THADA: variants seen among roughly 807,000 people sequenced by gnomAD.
The protein encoded by THADA is THADA armadillo repeat containing.
A neutral mutation model predicts 219.8 loss-of-function variants in THADA; 213 were observed. The ratio of observed to expected loss-of-function variants is 0.97; its 90% CI spans 0.87 to 1.09. The LOEUF (loss-of-function observed/expected upper bound fraction) is 1.09, where lower values mean the gene tolerates loss of function less well. Among genes scored for constraint, THADA ranks in the 50% least tolerant of loss-of-function variants. The pLI is 0.00. For missense variants in THADA, 2,956 were observed against 2,311.3 expected, an observed-to-expected ratio of 1.28 and a Z score of -5.72; for synonymous variants, 1,018 against 828.9, an observed-to-expected ratio of 1.23 and a Z score of -3.92.
At chr2:43,515,852 G>C (rs1199622820) in intron 22 of THADA, among the ~76,000 whole-genome samples, 1 of 152,176 alleles carries the variant, frequency 6.6e-6, no homozygotes, top group South Asian at 2.1e-4. Flanking sequence ...CTTCAACAAA[G>C]TACACCTAAA....
intron 30 of THADA, among the ~76,000 whole-genome samples, chr2:43,334,124 T>G (rs1366233911): frequency 6.6e-6 from 1 of 152,158 alleles, no homozygotes; most frequent in Non-Finnish European, 1.5e-5. Flanking sequence ...CCTTAAACAC[T>G]TAAATCCACA....
At chr2:43,544,276 A>C (rs533438359) in intron 20 of THADA, among the ~76,000 whole-genome samples, 5 of 152,302 alleles carry the variant, frequency 3.3e-5, no homozygotes, top group African/African-American at 1.2e-4. Flanking sequence ...TGGTTACTGT[A>C]GCCTTATAGC....
chr2:43,376,303 C>G (rs929530664), intron 29 of THADA, among the ~76,000 whole-genome samples: 3 of 152,164 alleles, frequency 2.0e-5, no homozygotes, highest in Non-Finnish European at 4.4e-5. Flanking sequence ...GACAATTGAG[C>G]CAACATTTTT....
chr2:43,456,962 A>G (rs1273093113), intron 26 of THADA, among the ~76,000 whole-genome samples: 1 of 152,222 alleles, frequency 6.6e-6, no homozygotes, highest in African/African-American at 2.4e-5. Context: ...GGTCTGGCAT[A>G]AAAAATTTTA....
chr2:43,489,874 C>CAAAAAAAAAA (rs201735523), intron 25 of THADA, among the ~76,000 whole-genome samples: 18 of 56,064 alleles, frequency 3.2e-4, no homozygotes, highest in African/African-American at 1.0e-3. Flanking sequence ...TTAAGATCTG[C>CAAAAAAAAAA]AAAAAAAAAA....
At chr2:43,482,110 A>G (rs1180423696) in intron 26 of THADA, among the ~76,000 whole-genome samples, 1 of 152,232 alleles carries the variant, frequency 6.6e-6, no homozygotes, top group African/African-American at 2.4e-5. Flanking sequence ...CTGATTTTAC[A>G]TAAAATCAGT....
At chr2:43,382,563 T>C (rs1672165588) in intron 29 of THADA, among the ~76,000 whole-genome samples, 1 of 152,148 alleles carries the variant, frequency 6.6e-6, no homozygotes, top group Non-Finnish European at 1.5e-5. Flanking sequence ...ACCATGTCAA[T>C]ACCAGACAAA....
intron 22 of THADA, among the ~76,000 whole-genome samples, chr2:43,520,159 T>TC (rs1305553140): frequency 6.6e-6 from 1 of 152,188 alleles, no homozygotes; most frequent in Non-Finnish European, 1.5e-5. Flanking sequence ...CTCTATGTAG[T>TC]CACCAACCAC....
intron 16 of THADA, among the ~76,000 whole-genome samples, chr2:43,558,354 T>C (rs1197308247): frequency 6.6e-6 from 1 of 152,172 alleles, no homozygotes; most frequent in Non-Finnish European, 1.5e-5. Context: ...AGAAAGACTT[T>C]GGAAATATAA....
At chr2:43,421,667 G>A (rs755611157) in intron 28 of THADA, among the ~76,000 whole-genome samples, 1 of 152,126 alleles carries the variant, frequency 6.6e-6, no homozygotes. Flanking sequence ...GCCAACATCT[G>A]GAATGGAGAA....
chr2:43,334,186 GA>G (rs1666120065), intron 30 of THADA, among the ~76,000 whole-genome samples: 1 of 152,102 alleles, frequency 6.6e-6, no homozygotes, highest in Non-Finnish European at 1.5e-5. Flanking sequence ...AAGTAAGACA[GA>G]AAAAGGAGAA....
chr2:43,578,521 G>T lies in THADA; in HGVS notation c.808C>A (p.Pro270Thr). Residue 270 changes from proline (P) to threonine (T), a missense_variant, in exon 9 of 38, where the codon CCT becomes ACT. Transcript: ENST00000405975. ...AAAGGAGATGCACTTACCAAATGAG[G>T]AATCTTTTCAGACGGGTGAAACATA... ...KTMFHPSEKI[P>T]HLISSVLLRS... 1.9e-6 allele frequency: 3 copies of T among 1,607,880 alleles called. No homozygotes were observed. The highest frequency in any genetic ancestry group is 1.1e-5 in the South Asian group (1 of 90,860).
chr2:43,515,013 T>TA lies in THADA; in HGVS notation c.3375-6234dup, dbSNP rs1242423351. On this transcript the variant is annotated intron_variant, in intron 22 of 37. Coordinates refer to ENST00000405975, the MANE Select transcript of THADA (RefSeq NM_022065.5). ...ATATAATATATAATATTATATATAT[T>TA]ATATATTTTATATATAATATATATA... Among the ~76,000 whole-genome samples, 7 of 56,180 alleles carry TA rather than the reference T, an allele frequency of 1.2e-4. 2 individuals carry two copies. The highest frequency in any genetic ancestry group is 5.6e-4 in the African/African-American group (7 of 12,596). 36.9% of individuals were successfully genotyped at this position (56,180 alleles called of 152,430 possible).
At chr2:43,307,175 G>A (rs983747938) in intron 31 of THADA, among the ~76,000 whole-genome samples, 1 of 152,190 alleles carries the variant, frequency 6.6e-6, no homozygotes, top group Non-Finnish European at 1.5e-5. Flanking sequence ...GACAATAAGG[G>A]AAGCATTACA....
At chr2:43,570,571 G>A (rs11904510) in intron 13 of THADA, 61 bp from the exon 14 acceptor site, 468,873 of 1,533,504 alleles carry the variant, frequency 0.31, 72,829 homozygotes, top group South Asian at 0.39. Flanking sequence ...ATGTCAGCCT[G>A]AGAGGCAAAT....
At chr2:43,326,061 A>C (rs1359369025) in intron 30 of THADA, among the ~76,000 whole-genome samples, 1 of 152,138 alleles carries the variant, frequency 6.6e-6, no homozygotes, top group African/African-American at 2.4e-5. Flanking sequence ...GCAGCTACTA[A>C]AATTTCCGAC....
At chr2:43,489,659 C>A (rs938244543) in intron 25 of THADA, among the ~76,000 whole-genome samples, 105 of 152,062 alleles carry the variant, frequency 6.9e-4, no homozygotes, top group African/African-American at 2.4e-3. Flanking sequence ...ATTGTCTTGG[C>A]ACCTTTATTA....
intron 10 of THADA, among the ~76,000 whole-genome samples, chr2:43,576,609 A>T (rs1699884123): frequency 1.3e-5 from 2 of 152,200 alleles, no homozygotes; most frequent in Non-Finnish European, 2.9e-5. Flanking sequence ...AATGTTAAAA[A>T]TTAATTTTAG....
chr2:43,249,960 G>A (rs1350528158), intron 36 of THADA, among the ~76,000 whole-genome samples: 2 of 152,180 alleles, frequency 1.3e-5, no homozygotes, highest in African/African-American at 4.8e-5. Context: ...CCTTGTCAGA[G>A]CAGACCTGGG....
Sources: gnomAD v4.1 joint callset for allele counts (sites outside exome capture counted in the v4.1 genomes callset) on GRCh38, gnomAD v4.1.1 for gene constraint, MANE v1.5 for transcripts, NCBI Gene and HGNC (gene_info 2026-07-23, HGNC 2026-07-21) for gene names.